Variants in RPS6KA2 observed in about 807,000 individuals in gnomAD.
RPS6KA2 encodes the protein ribosomal protein S6 kinase A2.
A neutral mutation model predicts 91.8 loss-of-function variants in RPS6KA2; 42 were observed. The ratio of observed to expected loss-of-function variants is 0.46; its 90% CI spans 0.36 to 0.59. The LOEUF (loss-of-function observed/expected upper bound fraction) is 0.59, where lower values mean the gene tolerates loss of function less well. Ranked by LOEUF, RPS6KA2 falls within the 20% of genes least tolerant of loss-of-function variation. The pLI is 0.00. For missense variants in RPS6KA2, 798 were observed against 978.5 expected (o/e 0.82, Z 2.46); for synonymous variants, 414 against 393.6 (o/e 1.05, Z -0.61).
Position 166,497,085 on chromosome 6 carries a change from T to G in RPS6KA2, c.747+1423A>C, listed in dbSNP as rs182329876. Among the ~76,000 whole-genome samples the G allele has an allele frequency of 1.8e-3, 269 of 152,260 alleles. 1 individual carries two copies. Among genetic ancestry groups the G allele is most frequent in the African/African-American group, 6.1e-3 (254 of 41,558 alleles). Reference sequence around the variant, plus strand: ...AAAGCAAACCTGCCTCACTGACCTATCTAAAGAAAACCTCTTTCAGTGGAA... The same window carrying G: ...AAAGCAAACCTGCCTCACTGACCTAGCTAAAGAAAACCTCTTTCAGTGGAA... On this transcript the variant is annotated intron_variant, in intron 8 of 20. Transcript: ENST00000265678.
chr6:166,489,029 G>T, intron 9 of RPS6KA2, 108 bp from the exon 10 acceptor site: 2 of 892,526 alleles, frequency 2.2e-6, no homozygotes, highest in African/African-American at 1.7e-5. Flanking sequence ...ACCCAGAGCA[G>T]CCCGTGCTCT....
intron 16 of RPS6KA2, among the ~76,000 whole-genome samples, chr6:166,425,153 C>T (rs1160742810): frequency 6.6e-6 from 1 of 152,228 alleles, no homozygotes; most frequent in African/African-American, 2.4e-5. Flanking sequence ...TAGCCCTCAT[C>T]TTCTGTTAGT....
intron 2 of RPS6KA2, chr6:166,701,035 T>C: frequency 1.6e-6 from 2 of 1,274,812 alleles, no homozygotes; most frequent in Middle Eastern, 2.6e-4. Context: ...CCTGTCTGTT[T>C]GTTAAGCAAT....
At chr6:166,771,985 G>C (rs183055555) in intron 2 of RPS6KA2, among the ~76,000 whole-genome samples, 2 of 152,332 alleles carry the variant, frequency 1.3e-5, no homozygotes, top group Admixed American at 1.3e-4. Context: ...CTGATGAGCG[G>C]CCGGTTTATC....
At position 166,490,061 on chromosome 6, in the gene RPS6KA2, G is replaced by A. The variant is rs1413265810; in HGVS notation, c.818+610C>T. Reference sequence around the variant, plus strand: ...TTAGGATGCTATGGCAAGGTGGTATGGGGATCAGGCTTCTTCCTACAGTCC... The same window carrying A: ...TTAGGATGCTATGGCAAGGTGGTATAGGGATCAGGCTTCTTCCTACAGTCC... On this transcript the variant is annotated intron_variant, in intron 9 of 20. Coordinates refer to ENST00000265678, the MANE Select transcript of RPS6KA2 (RefSeq NM_021135.6). This position sits in a 1 kb window ranked among gnomAD's most constrained non-coding sequence, Gnocchi z 4.2. Among the ~76,000 whole-genome samples, 3 of 152,150 alleles carry A rather than the reference G, an allele frequency of 2.0e-5. No homozygotes were observed. Among genetic ancestry groups the A allele is most frequent in the Non-Finnish European group, 4.4e-5 (3 of 68,040 alleles).
At chr6:166,839,045 C>T (rs1780390854) in intron 2 of RPS6KA2, among the ~76,000 whole-genome samples, 2 of 152,172 alleles carry the variant, frequency 1.3e-5, no homozygotes, top group South Asian at 4.1e-4. Flanking sequence ...GGAAATGAAA[C>T]ACAGCCTCTG....
intron 19 of RPS6KA2, among the ~76,000 whole-genome samples, chr6:166,417,111 T>C (rs1326902353): frequency 1.3e-5 from 2 of 152,212 alleles, no homozygotes; most frequent in Admixed American, 6.5e-5. Context: ...AAAAAGCGTC[T>C]GATGGGCAAA....
chr6:166,472,942 T>C (rs1400707567), intron 10 of RPS6KA2, among the ~76,000 whole-genome samples: 1 of 152,168 alleles, frequency 6.6e-6, no homozygotes, highest in Admixed American at 6.5e-5. Flanking sequence ...GTTAAGTTCC[T>C]TAATGCAGGG....
chr6:166,810,364 G>C (rs1779598911), intron 2 of RPS6KA2, among the ~76,000 whole-genome samples: 1 of 152,298 alleles, frequency 6.6e-6, no homozygotes, highest in East Asian at 1.9e-4. Context: ...AGACTCGGGA[G>C]TGCAAAGTAA....
chr6:166,725,125 CT>C (rs1408348863), intron 2 of RPS6KA2, among the ~76,000 whole-genome samples: 1 of 152,130 alleles, frequency 6.6e-6, no homozygotes, highest in Non-Finnish European at 1.5e-5. Flanking sequence ...TTCAAATAGA[CT>C]TTTTCTATTT....
At chr6:166,615,782 C>G (rs947716772) in intron 1 of RPS6KA2, among the ~76,000 whole-genome samples, 2 of 152,186 alleles carry the variant, frequency 1.3e-5, no homozygotes, top group East Asian at 3.9e-4. Context: ...CACACCCCCC[C>G]AGGATGGGCG....
At chr6:166,441,881 G>A (rs1468517557) in intron 14 of RPS6KA2, among the ~76,000 whole-genome samples, 2 of 152,258 alleles carry the variant, frequency 1.3e-5, no homozygotes, top group African/African-American at 2.4e-5. Flanking sequence ...GGGGCCGGGG[G>A]CCGGGACCCT....
chr6:166,758,556 C>T (rs1778083856), intron 2 of RPS6KA2, among the ~76,000 whole-genome samples: 2 of 152,148 alleles, frequency 1.3e-5, no homozygotes, highest in Non-Finnish European at 2.9e-5. Context: ...AGGACACTGG[C>T]GGAGTTTCCT....
At chr6:166,536,603 C>T (rs71571447) in intron 2 of RPS6KA2, among the ~76,000 whole-genome samples, 161 of 152,256 alleles carry the variant, frequency 1.1e-3, no homozygotes, top group Middle Eastern at 3.4e-3. Flanking sequence ...GAGTCCAGCT[C>T]GCATTAATCC....
intron 12 of RPS6KA2, among the ~76,000 whole-genome samples, chr6:166,455,081 T>C (rs1163124085): frequency 1.3e-5 from 2 of 152,096 alleles, no homozygotes; most frequent in Non-Finnish European, 2.9e-5. Context: ...TATTCGAGAA[T>C]TCTCTACCCG....
chr6:166,655,575 G>A lies in RPS6KA2; in HGVS notation c.124-116791C>T, dbSNP rs527937353. On this transcript the variant is annotated intron_variant, in intron 2 of 21. Transcript: ENST00000503859. ...TGGTGGATCTGAGACAGAGCAGGGC[G>A]GGTAACTGAAGACCAGGCTGGAAAG... Among the ~76,000 whole-genome samples the A allele has an allele frequency of 5.9e-5, 9 of 152,318 alleles. No homozygotes were observed. In the East Asian group the frequency reaches 1.3e-3, roughly 23 times the overall value.
chr6:166,510,562 TATATATATA>T (rs1205854137), intron 3 of RPS6KA2, among the ~76,000 whole-genome samples: 2 of 12,614 alleles, frequency 1.6e-4, no homozygotes, highest in Non-Finnish European at 3.6e-4. Context: ...CTCATATATA[TATATATATA>T]TATATATATA....
At chr6:166,801,304 G>A (rs1348506475) in intron 2 of RPS6KA2, among the ~76,000 whole-genome samples, 2 of 151,508 alleles carry the variant, frequency 1.3e-5, no homozygotes, top group African/African-American at 2.4e-5. Context: ...GTGGGGAGAG[G>A]AAAAGAATCT....
chr6:166,617,689 G>C (rs925505720), intron 1 of RPS6KA2, among the ~76,000 whole-genome samples: 1 of 152,234 alleles, frequency 6.6e-6, no homozygotes, highest in African/African-American at 2.4e-5. Flanking sequence ...TGAATAGTCA[G>C]TCCATGGCTA....
Sources: gnomAD v4.1 joint callset for allele counts (sites outside exome capture counted in the v4.1 genomes callset) on GRCh38, gnomAD v4.1.1 for gene constraint, Gnocchi (gnomAD v3.1) non-coding constraint, MANE v1.5 for transcripts, NCBI Gene and HGNC (gene_info 2026-07-23, HGNC 2026-07-21) for gene names.